ADCY9: variants seen among roughly 807,000 people sequenced by gnomAD.
ADCY9 encodes the protein adenylate cyclase type 9.
Under a neutral mutation model 101.5 loss-of-function variants are expected in ADCY9, and 50 were observed. The observed-to-expected ratio is 0.49, with a 90% CI of 0.39 to 0.62. The LOEUF (loss-of-function observed/expected upper bound fraction) is 0.62. ADCY9 is among the 20% of genes least tolerant of loss of function. The probability of loss-of-function intolerance (pLI) is 0.00; values close to 1 mark genes in which losing one functional copy is unlikely to be tolerated. For missense variants in ADCY9, 1,662 were observed against 1,800.4 expected (o/e 0.92, Z 1.39); for synonymous variants, 905 against 769.3 (o/e 1.18, Z -2.92).
intron 2 of ADCY9, among the ~76,000 whole-genome samples, chr16:4,039,880 A>T (rs2056615290): frequency 6.6e-6 from 1 of 152,028 alleles, no homozygotes; most frequent in South Asian, 2.1e-4. Context: ...CTCTACGAAA[A>T]ATGCAAAAAT....
chr16:4,090,529 G>A (rs1278413305), intron 2 of ADCY9, among the ~76,000 whole-genome samples: 3 of 152,026 alleles, frequency 2.0e-5, no homozygotes, highest in Middle Eastern at 3.2e-3. Flanking sequence ...ACTGCTGGCC[G>A]TGGAAACCGT....
intron 2 of ADCY9, among the ~76,000 whole-genome samples, chr16:4,057,124 T>A (rs764975057): frequency 2.6e-4 from 38 of 147,212 alleles, no homozygotes; most frequent in African/African-American, 9.4e-4. Flanking sequence ...AGCCTCATTT[T>A]AAAAAAATCT....
At chr16:4,110,358 C>T (rs1437048293) in intron 2 of ADCY9, among the ~76,000 whole-genome samples, 1 of 146,734 alleles carries the variant, frequency 6.8e-6, no homozygotes, top group Non-Finnish European at 1.5e-5. Context: ...GGCAGTTTTG[C>T]AATCATACTT....
chr16:4,085,998 T>C (rs993004633), intron 2 of ADCY9, among the ~76,000 whole-genome samples: 3 of 151,586 alleles, frequency 2.0e-5, no homozygotes, highest in Non-Finnish European at 1.5e-5. Context: ...TACTGTGCCC[T>C]AAAAAATGAG....
At chr16:4,103,505 C>T (rs539226025) in intron 2 of ADCY9, among the ~76,000 whole-genome samples, 8 of 152,260 alleles carry the variant, frequency 5.3e-5, no homozygotes, top group African/African-American at 1.2e-4. Context: ...CCCACACTTA[C>T]GAAAGGAAAG....
At chr16:4,067,756 G>A (rs1415270458) in intron 2 of ADCY9, among the ~76,000 whole-genome samples, 1 of 152,116 alleles carries the variant, frequency 6.6e-6, no homozygotes, top group African/African-American at 2.4e-5. Context: ...TCCCTCACCG[G>A]GAGGTGGACT....
intron 2 of ADCY9, among the ~76,000 whole-genome samples, chr16:4,097,843 G>A (rs541047777): frequency 1.3e-5 from 2 of 151,706 alleles, no homozygotes; most frequent in Admixed American, 1.3e-4. Flanking sequence ...CACCATACCA[G>A]GCTTATATTT....
intron 7 of ADCY9, chr16:3,981,851 C>A (rs898498332): frequency 6.6e-6 from 1 of 152,220 alleles, no homozygotes; most frequent in Non-Finnish European, 1.5e-5. Flanking sequence ...GATCCACCTG[C>A]CTTGGCCTCC....
In ADCY9 at chr16:4,116,234, C is replaced by A. The variant is rs1185388003; in HGVS notation, c.-588G>T. 8 of 146,208 alleles carry A rather than the reference C, an allele frequency of 5.5e-5. No individual in the cohort carries two copies. The highest frequency in any genetic ancestry group is 4.8e-4 in the Admixed American group (7 of 14,720). 9.1% of individuals were successfully genotyped at this position (146,208 alleles called of 1,614,324 possible). On this transcript the variant is annotated 5_prime_UTR_variant, in exon 1 of 11. Coordinates refer to ENST00000294016, the MANE Select transcript of ADCY9 (RefSeq NM_001116.4). ...GGAACCACGGACGCGGGCCCCTCGC[C>A]GGGCGGCGGTGCAGACGCTGCCGCA...
chr16:4,023,089 T>C (rs983468216), intron 2 of ADCY9, among the ~76,000 whole-genome samples: 3 of 152,216 alleles, frequency 2.0e-5, no homozygotes, highest in African/African-American at 7.2e-5. Context: ...AACAAAGTAC[T>C]GAAAGTGCTG....
chr16:3,958,712 C>T (rs2055921776), downstream of ADCY9, among the ~76,000 whole-genome samples: 1 of 125,610 alleles, frequency 8.0e-6, no homozygotes, highest in African/African-American at 3.1e-5. Flanking sequence ...TGCTCTGTCG[C>T]CCAGGCTGGA....
Position 4,115,301 on chromosome 16 carries a change from A to T in ADCY9, c.142T>A (p.Tyr48Asn). ...SSNSHPKHCK[Y>N]SISSSCSSSG... Reference sequence around the variant, plus strand: ...CTGCTGCAGCTAGAGGAGATGCTGTATTTGCAGTGCTTGGGGTGGCTGTTG... The same window carrying T: ...CTGCTGCAGCTAGAGGAGATGCTGTTTTTGCAGTGCTTGGGGTGGCTGTTG... The change falls in exon 2 of 11, where the codon TAC becomes AAC. Residue 48 changes from tyrosine to asparagine, a missense_variant. Coordinates refer to ENST00000294016, the MANE Select transcript of ADCY9 (RefSeq NM_001116.4). This position sits in a 1 kb window ranked among gnomAD's most constrained non-coding sequence, Gnocchi z 6.2. The T allele has an allele frequency of 6.2e-7, 1 of 1,613,742 alleles. No homozygotes were observed. The highest frequency in any genetic ancestry group is 8.5e-7 in the Non-Finnish European group (1 of 1,179,858).
At chr16:4,000,257 T>C (rs1388428461) in intron 3 of ADCY9, among the ~76,000 whole-genome samples, 1 of 152,198 alleles carries the variant, frequency 6.6e-6, no homozygotes, top group Non-Finnish European at 1.5e-5. Flanking sequence ...CGGTTCCATT[T>C]TACAGATGAG....
At chr16:4,016,852 G>T (rs1872811960) in intron 2 of ADCY9, among the ~76,000 whole-genome samples, 1 of 152,202 alleles carries the variant, frequency 6.6e-6, no homozygotes, top group South Asian at 2.1e-4. Flanking sequence ...GCTAACGGAT[G>T]CAGGGTTACT....
intron 2 of ADCY9, among the ~76,000 whole-genome samples, chr16:4,045,869 C>CTTTTTTTTTTTT (rs56804050): frequency 2.5e-5 from 2 of 78,910 alleles, no homozygotes; most frequent in African/African-American, 4.2e-5. Context: ...TTTTTTCTTT[C>CTTTTTTTTTTTT]TTTTTTTTTT....
chr16:4,109,340 C>T (rs1459306982), intron 2 of ADCY9, among the ~76,000 whole-genome samples: 1 of 152,164 alleles, frequency 6.6e-6, no homozygotes, highest in African/African-American at 2.4e-5. Context: ...AGCGATCCTC[C>T]TATATTATTG....
chr16:4,025,077 G>A (rs918331820), intron 2 of ADCY9, among the ~76,000 whole-genome samples: 1 of 152,064 alleles, frequency 6.6e-6, no homozygotes. Context: ...GGGGTAGGGA[G>A]GGGGGCTGGG....
In ADCY9 at chr16:4,115,400, T is replaced by C; in HGVS notation, c.43A>G (p.Thr15Ala). The change falls in exon 2 of 11, where the codon ACC (threonine) becomes GCC (alanine). Residue 15 changes from threonine (T) to alanine (A), a missense_variant. Transcript: ENST00000294016. The surrounding 1 kb of genome is among the most constrained non-coding windows in gnomAD (Gnocchi z 6.2). ...CCGCTGGAGTCGCAGCTCACCTCGG[T>C]GCTGTGGTGATGCAGCAGCTGCTGG... ...PHQQLLHHHS[T>A]EVSCDSSGDS... 1 of 1,587,650 alleles carries C rather than the reference T, an allele frequency of 6.3e-7. No individual in the cohort carries two copies. The highest frequency in any genetic ancestry group is 8.6e-7 in the Non-Finnish European group (1 of 1,167,770).
chr16:4,026,341 T>C (rs1310653259), intron 2 of ADCY9, among the ~76,000 whole-genome samples: 2 of 150,428 alleles, frequency 1.3e-5, no homozygotes, highest in African/African-American at 4.9e-5. Context: ...GGAGAACTAC[T>C]TGAACCCGGG....
Sources: allele counts gnomAD v4.1 joint callset (sites outside exome capture counted in the v4.1 genomes callset), GRCh38; gene constraint gnomAD v4.1.1; non-coding constraint Gnocchi (gnomAD v3.1); transcripts MANE v1.5; gene names NCBI Gene and HGNC (gene_info 2026-07-23, HGNC 2026-07-21).